Variants in ERN1 observed in about 807,000 individuals in gnomAD.
ERN1 encodes the protein serine/threonine-protein kinase/endoribonuclease IRE1.
ERN1 carries 39 observed loss-of-function variants against 113.1 expected under a neutral mutation model. The observed-to-expected ratio is 0.34, with a 90% CI of 0.27 to 0.45. The LOEUF is 0.45. Ranked by LOEUF, ERN1 falls within the 20% of genes least tolerant of loss-of-function variation. ERN1 has a pLI of 1.00. For missense variants in ERN1, 976 were observed against 1,274.8 expected, an observed-to-expected ratio of 0.77 and a Z score of 3.57; for synonymous variants, 507 against 515.9, an observed-to-expected ratio of 0.98 and a Z score of 0.23.
rs148535127 is a variant in ERN1, at chr17:64,128,394, T to C, written c.54+1582A>G. On this transcript the variant is annotated intron_variant, in intron 1 of 21. Coordinates refer to ENST00000433197, the MANE Select transcript of ERN1 (RefSeq NM_001433.5). ...TATTTTATCATGAACTCTGAGAAGT[T>C]TGGATTTCTAAATACAAATTGGAAA... 1.6e-3 allele frequency among the ~76,000 whole-genome samples: 242 copies of C among 152,280 alleles called. 2 individuals are homozygous for C. The highest frequency in any genetic ancestry group is 0.011 in the Admixed American group (168 of 15,288).
intron 1 of ERN1, among the ~76,000 whole-genome samples, chr17:64,111,455 A>G (rs1002143706): frequency 2.0e-5 from 3 of 152,010 alleles, no homozygotes; most frequent in African/African-American, 7.2e-5. Flanking sequence ...TCCTGGGTTC[A>G]AGCGATTCTC....
At chr17:64,047,074 TTGGGCTGGGCCTGG>T (rs1380360616) in intron 19 of ERN1, among the ~76,000 whole-genome samples, 2 of 152,332 alleles carry the variant, frequency 1.3e-5, no homozygotes, top group Admixed American at 6.5e-5. Flanking sequence ...TTTATGACAC[TTGGGCTGGGCCTGG>T]TGGCTCATGC....
At chr17:64,047,196 TA>T (rs1912538824) in intron 19 of ERN1, among the ~76,000 whole-genome samples, 1 of 151,962 alleles carries the variant, frequency 6.6e-6, no homozygotes, top group Admixed American at 6.6e-5. Flanking sequence ...CCATCTCTAC[TA>T]AAAATACAAA....
chr17:64,096,774 G>A (rs1914242357), intron 2 of ERN1, among the ~76,000 whole-genome samples: 1 of 152,164 alleles, frequency 6.6e-6, no homozygotes, highest in Non-Finnish European at 1.5e-5. Context: ...ACACAGTTTT[G>A]TTGCATACAG....
chr17:64,054,654 G>T lies in ERN1; in HGVS notation c.1763+84C>A. On this transcript the variant is annotated intron_variant, in intron 14 of 21. Transcript: ENST00000433197. This position sits in a 1 kb window ranked among gnomAD's most constrained non-coding sequence, Gnocchi z 4.9. ...TAGGTCACTGCTTTGACCCTGCTGT[G>T]CTCTGAGCCTGGCACCAGGCTCGCA... The T allele has an allele frequency of 8.6e-7, 1 of 1,169,436 alleles. No individual in the cohort carries two copies. The highest frequency in any genetic ancestry group is 1.4e-5 in the South Asian group (1 of 70,558). The allele number at this position is 1,169,436 out of a possible 1,614,324, so 72.4% of individuals were successfully genotyped here.
chr17:64,090,626 A>G (rs1914061670), intron 2 of ERN1, among the ~76,000 whole-genome samples: 1 of 152,198 alleles, frequency 6.6e-6, no homozygotes. Flanking sequence ...AACAATCACA[A>G]CCATATTCCA....
chr17:64,048,306 C>T (rs1338765015), intron 18 of ERN1, among the ~76,000 whole-genome samples: 5 of 151,982 alleles, frequency 3.3e-5, no homozygotes, highest in Admixed American at 1.3e-4. Context: ...TTCAAGGTGA[C>T]GCTGAAAAAC....
At chr17:64,119,383 T>TTTTTTTG (rs1914895425) in intron 1 of ERN1, among the ~76,000 whole-genome samples, 1 of 121,226 alleles carries the variant, frequency 8.2e-6, no homozygotes, top group African/African-American at 4.4e-5. Flanking sequence ...TAGGTTTTTT[T>TTTTTTTG]TTTTTTTTTT....
At chr17:64,061,925 T>C (rs1381253666) in intron 10 of ERN1, among the ~76,000 whole-genome samples, 1 of 152,266 alleles carries the variant, frequency 6.6e-6, no homozygotes, top group Non-Finnish European at 1.5e-5. Context: ...GAGACTGCTA[T>C]GGAAGGCATT....
Position 64,098,218 on chromosome 17 carries a change from C to T in ERN1, c.78G>A (p.Val26=), listed in dbSNP as rs1914282232. 7 of 1,613,824 alleles carry T rather than the reference C, an allele frequency of 4.3e-6. No homozygotes were observed. Among genetic ancestry groups the T allele is most frequent in the Non-Finnish European group, 5.9e-6 (7 of 1,179,878 alleles). The stretch of plus-strand genomic sequence containing the variant: ...CAAACAACAAGGTTTCAGGAAGCGT[C>T]ACTGTGCTGGTACTTCCAAAAATCT... ...GLGIFGSTST[V]TLPETLLFVS... is the part of the protein sequence containing the mutation. The change falls in exon 2 of 22, where the codon GTG becomes GTA. Residue 26 remains valine (V), a synonymous_variant. Coordinates refer to ENST00000433197, the MANE Select transcript of ERN1 (RefSeq NM_001433.5).
chr17:64,048,620 A>G (rs1320387763), intron 18 of ERN1, among the ~76,000 whole-genome samples: 1 of 152,198 alleles, frequency 6.6e-6, no homozygotes, highest in African/African-American at 2.4e-5. Context: ...CCATACCAGG[A>G]GACCAGGAGG....
At chr17:64,128,376 T>C (rs557016046) in intron 1 of ERN1, among the ~76,000 whole-genome samples, 1 of 152,238 alleles carries the variant, frequency 6.6e-6, no homozygotes, top group African/African-American at 2.4e-5. Context: ...GAATATTTTA[T>C]CATGAACTCT....
At chr17:64,065,368 A>G (rs12952192) in intron 8 of ERN1, 81 bp from the exon 9 acceptor site, 24,824 of 1,030,174 alleles carry the variant, frequency 0.024, 369 homozygotes, top group Non-Finnish European at 0.03. Context: ...CACCCCAAAT[A>G]CCACCCGCAG....
intron 1 of ERN1, among the ~76,000 whole-genome samples, chr17:64,114,252 T>C (rs901364716): frequency 1.3e-5 from 2 of 152,116 alleles, no homozygotes; most frequent in Non-Finnish European, 2.9e-5. Flanking sequence ...TTCATGGAGC[T>C]TACAGTCCAA....
chr17:64,060,418 C>T, intron 11 of ERN1, 51 bp downstream of exon 11: 3 of 1,154,324 alleles, frequency 2.6e-6, no homozygotes, highest in Non-Finnish European at 3.9e-6. Context: ...AATGCCTCAC[C>T]CTCCCAACAC....
At chr17:64,046,502 T>C (rs991431562) in intron 19 of ERN1, among the ~76,000 whole-genome samples, 3 of 152,230 alleles carry the variant, frequency 2.0e-5, no homozygotes, top group Admixed American at 6.5e-5. Context: ...GGAAGACATA[T>C]GGACTTGAGA....
At position 64,055,733 on chromosome 17, in the gene ERN1, G is replaced by A; in HGVS notation, c.1614C>T (p.Cys538=). 1.2e-6 allele frequency: 2 copies of A among 1,611,770 alleles called. No homozygotes were observed. The highest frequency in any genetic ancestry group is 1.7e-6 in the Non-Finnish European group (2 of 1,179,010). The change falls in exon 13 of 22, where the codon TGC becomes TGT. Residue 538 remains cysteine, a synonymous_variant. Transcript: ENST00000433197. ...CAGCCTTGGAGGCAGAGCTGCCGGA[G>A]CAGAGCGAGTGGTTGGAGGCCCTGG... is the stretch of plus-strand genomic sequence containing the variant. ...TSPRASNHSL[C]SGSSASKAGS... is the part of the protein sequence containing the mutation.
Position 64,101,837 on chromosome 17 carries a change from T to TA in ERN1, c.55-3597dup, listed in dbSNP as rs1188440710. On this transcript the variant is annotated intron_variant, in intron 1 of 21. Coordinates refer to ENST00000433197, the MANE Select transcript of ERN1 (RefSeq NM_001433.5). ...GTATATCTTATCACAGTATTAATAT[T>TA]AAAAAGGGTTAATATTCACCAAAAC... 2.6e-5 allele frequency among the ~76,000 whole-genome samples: 4 copies of TA among 152,168 alleles called. No individual in the cohort carries two copies. The East Asian group carries it at 7.7e-4, about 29-fold the overall frequency.
chr17:64,099,800 G>A (rs1914334524), intron 1 of ERN1, among the ~76,000 whole-genome samples: 1 of 152,124 alleles, frequency 6.6e-6, no homozygotes, highest in Admixed American at 6.5e-5. Flanking sequence ...CTTTTCTGTG[G>A]TGGAGACCCA....
Sources: allele counts gnomAD v4.1 joint callset (sites outside exome capture counted in the v4.1 genomes callset), GRCh38; gene constraint gnomAD v4.1.1; non-coding constraint Gnocchi (gnomAD v3.1); transcripts MANE v1.5; gene names NCBI Gene and HGNC (gene_info 2026-07-23, HGNC 2026-07-21).